Variants in CPA6 observed in about 807,000 individuals in gnomAD.
CPA6 encodes the protein carboxypeptidase B.
CPA6 carries 58 observed loss-of-function variants against 63.3 expected under a neutral mutation model. That is an observed-to-expected ratio of 0.92 (90% CI 0.74 to 1.14). The LOEUF (loss-of-function observed/expected upper bound fraction) is 1.14, where lower values mean the gene tolerates loss of function less well. Ranked by LOEUF, CPA6 falls within the 50% of genes most tolerant of loss-of-function variation. The probability of loss-of-function intolerance (pLI) is 0.00; values close to 1 mark genes in which losing one functional copy is unlikely to be tolerated. For missense variants in CPA6, 565 were observed against 526.6 expected, an observed-to-expected ratio of 1.07 and a Z score of -0.71; for synonymous variants, 185 against 179.0, an observed-to-expected ratio of 1.03 and a Z score of -0.27.
chr8:67,518,509 C>CTTTTTT (rs71554610), intron 2 of CPA6, among the ~76,000 whole-genome samples: 44 of 129,836 alleles, frequency 3.4e-4, no homozygotes, highest in Non-Finnish European at 4.8e-4. Flanking sequence ...CTTTTCTTTT[C>CTTTTTT]TTTTTTTTTT....
intron 2 of CPA6, among the ~76,000 whole-genome samples, chr8:67,576,975 T>TA (rs1014273519): frequency 2.0e-5 from 3 of 151,988 alleles, no homozygotes; most frequent in Non-Finnish European, 4.4e-5. Context: ...GCGATTCTCC[T>TA]ATCTTAGCCT....
At position 67,621,370 on chromosome 8, in the gene CPA6, T is replaced by G. The variant is rs151116897; in HGVS notation, c.192+2806A>C. On this transcript the variant is annotated intron_variant, in intron 2 of 10. Coordinates refer to ENST00000297770, the MANE Select transcript of CPA6 (RefSeq NM_020361.5). ...TCTTGGTGACCCCTGACTCTAGAGTTAAAGTAAATGATAATGATAATGATC... is the reference window on the plus strand; with the variant it reads ...TCTTGGTGACCCCTGACTCTAGAGTGAAAGTAAATGATAATGATAATGATC... Among the ~76,000 whole-genome samples the G allele has an allele frequency of 5.4e-3, 826 of 152,262 alleles. 2 individuals are homozygous for G. Among genetic ancestry groups the G allele is most frequent in the Middle Eastern group, 0.01 (3 of 294 alleles).
chr8:67,581,857 A>T (rs779681215), intron 2 of CPA6, among the ~76,000 whole-genome samples: 17 of 152,204 alleles, frequency 1.1e-4, no homozygotes, highest in South Asian at 2.1e-4. Flanking sequence ...TATGTCTCCT[A>T]GTTTATTAGG....
intron 1 of CPA6, among the ~76,000 whole-genome samples, chr8:67,637,462 T>C (rs1348594695): frequency 6.6e-6 from 1 of 151,692 alleles, no homozygotes; most frequent in Non-Finnish European, 1.5e-5. Context: ...TGTGAAATCA[T>C]TGTATCACAC....
At chr8:67,644,330 G>T (rs2128990389) in intron 1 of CPA6, among the ~76,000 whole-genome samples, 1 of 152,294 alleles carries the variant, frequency 6.6e-6, no homozygotes, top group Admixed American at 6.5e-5. Flanking sequence ...ATGTTAGCCA[G>T]GATGGTCTCG....
intron 2 of CPA6, among the ~76,000 whole-genome samples, chr8:67,559,438 C>G (rs142695583): frequency 6.6e-6 from 1 of 152,238 alleles, no homozygotes; most frequent in East Asian, 1.9e-4. Context: ...GACAATGACA[C>G]TAGCCTGCCA....
intron 1 of CPA6, among the ~76,000 whole-genome samples, chr8:67,628,609 C>T (rs1277590338): frequency 2.6e-5 from 4 of 152,196 alleles, no homozygotes; most frequent in Admixed American, 6.5e-5. Flanking sequence ...TACACGTACA[C>T]GCAGTGTTTG....
intron 1 of CPA6, among the ~76,000 whole-genome samples, chr8:67,660,929 T>C (rs1336607156): frequency 6.6e-6 from 1 of 152,188 alleles, no homozygotes; most frequent in African/African-American, 2.4e-5. Context: ...TGTTGACCTA[T>C]ATGGCTTCCA....
rs377303586 is a variant in CPA6 at position 67,632,109 on chromosome 8, A to AT, written c.117-7859dup. 5.6e-3 allele frequency among the ~76,000 whole-genome samples: 850 copies of AT among 151,556 alleles called. 9 individuals carry two copies. The highest frequency in any genetic ancestry group is 0.019 in the African/African-American group (766 of 41,248). Reference sequence around the variant, plus strand: ...TTTATAACTGTATTCATAAGGAAGCATTTTTTTTAAACTTTTTGTAAACCT... The same window carrying AT: ...TTTATAACTGTATTCATAAGGAAGCATTTTTTTTTAAACTTTTTGTAAACCT... On this transcript the variant is annotated intron_variant, in intron 1 of 10. Coordinates refer to ENST00000297770, the MANE Select transcript of CPA6 (RefSeq NM_020361.5).
intron 8 of CPA6, among the ~76,000 whole-genome samples, chr8:67,480,309 C>T (rs577875749): frequency 6.6e-6 from 1 of 152,064 alleles, no homozygotes; most frequent in South Asian, 2.1e-4. Context: ...TTTCATCACC[C>T]CCAAAAGAAA....
intron 2 of CPA6, among the ~76,000 whole-genome samples, chr8:67,575,478 C>G (rs912469836): frequency 3.9e-5 from 6 of 152,210 alleles, no homozygotes; most frequent in African/African-American, 1.2e-4. Context: ...GATACAGAAT[C>G]AACCTAAGTG....
intron 2 of CPA6, among the ~76,000 whole-genome samples, chr8:67,529,654 G>A (rs1185996651): frequency 2.0e-5 from 3 of 152,224 alleles, no homozygotes; most frequent in Admixed American, 2.0e-4. Context: ...AGTAGGTCAA[G>A]TGAAAACGAA....
At chr8:67,708,674 C>T (rs1261693525) in intron 1 of CPA6, among the ~76,000 whole-genome samples, 1 of 152,136 alleles carries the variant, frequency 6.6e-6, no homozygotes, top group African/African-American at 2.4e-5. Flanking sequence ...TTCACCAACC[C>T]ATGGAGCCAC....
At chr8:67,510,160 A>G (rs919030726) in intron 4 of CPA6, among the ~76,000 whole-genome samples, 1 of 152,188 alleles carries the variant, frequency 6.6e-6, no homozygotes, top group African/African-American at 2.4e-5. Context: ...TTCTCCAGTG[A>G]TAGTGATACA....
rs574705361 is a variant in CPA6 at position 67,716,561 on chromosome 8, G to A, written c.116+29453C>T. ...TCTGTCTTAGTGAAACAATAGGGCA[G>A]AGGAAGCAATCAGATATGAATTTGT... On this transcript the variant is annotated intron_variant, in intron 1 of 10. Coordinates refer to ENST00000297770, the MANE Select transcript of CPA6 (RefSeq NM_020361.5). 5.9e-5 allele frequency among the ~76,000 whole-genome samples: 9 copies of A among 152,326 alleles called. No homozygotes were observed. In the South Asian group the frequency reaches 1.9e-3, roughly 32 times the overall value.
At chr8:67,681,257 C>T (rs1328806465) in intron 1 of CPA6, among the ~76,000 whole-genome samples, 52 of 123,218 alleles carry the variant, frequency 4.2e-4, no homozygotes, top group Non-Finnish European at 6.4e-4. Context: ...GGCCGGACTG[C>T]GGACTGCAGT....
In CPA6 at chr8:67,666,391, T is replaced by C. The variant is rs373564608; in HGVS notation, c.117-42140A>G. 2.5e-4 allele frequency among the ~76,000 whole-genome samples: 38 copies of C among 151,882 alleles called. No individual in the cohort carries two copies. In the South Asian group the frequency reaches 6.5e-3, roughly 26 times the overall value. On this transcript the variant is annotated intron_variant, in intron 1 of 10. Coordinates refer to ENST00000297770, the MANE Select transcript of CPA6 (RefSeq NM_020361.5). ...TTTTGGGAAAACAGGTGCAAGGAGA[T>C]CTCAGGATCAAGGATTCACTGAGAG...
intron 1 of CPA6, among the ~76,000 whole-genome samples, chr8:67,689,128 T>C (rs922577692): frequency 1.3e-5 from 2 of 152,128 alleles, no homozygotes; most frequent in Non-Finnish European, 2.9e-5. Flanking sequence ...CATTTCGTAA[T>C]TCAGTCTACT....
At chr8:67,510,814 G>A (rs1368228962) in intron 4 of CPA6, among the ~76,000 whole-genome samples, 1 of 152,146 alleles carries the variant, frequency 6.6e-6, no homozygotes, top group Non-Finnish European at 1.5e-5. Context: ...CTGCGCTCAT[G>A]GAACTTGTAG....
Sources: gnomAD v4.1 joint callset for allele counts (sites outside exome capture counted in the v4.1 genomes callset) on GRCh38, gnomAD v4.1.1 for gene constraint, MANE v1.5 for transcripts, NCBI Gene and HGNC (gene_info 2026-07-23, HGNC 2026-07-21) for gene names.